The following CACNA1D variants were observed in gnomAD, a reference collection of about 807,000 sequenced individuals.
CACNA1D encodes voltage-dependent L-type calcium channel subunit alpha-1D.
In CACNA1D, 55 loss-of-function variants were observed where a neutral mutation model predicts 257.1. The observed-to-expected ratio is 0.21, with a 90% CI of 0.17 to 0.27. The LOEUF (loss-of-function observed/expected upper bound fraction) is 0.27, where lower values mean the gene tolerates loss of function less well. Among genes scored for constraint, CACNA1D ranks in the 10% least tolerant of loss-of-function variants. The pLI is 1.00. For missense variants in CACNA1D, 1,876 were observed against 2,784.0 expected (o/e 0.67, Z 7.34); for synonymous variants, 980 against 1,014.9 (o/e 0.97, Z 0.65).
intron 16 of CACNA1D, 66 bp downstream of exon 16, chr3:53,730,622 C>T: frequency 1.7e-6 from 2 of 1,199,794 alleles, no homozygotes; most frequent in Non-Finnish European, 2.5e-6. Context: ...ACAGTTGCAG[C>T]CTGCCAGGCT....
intron 3 of CACNA1D, among the ~76,000 whole-genome samples, chr3:53,554,002 C>G (rs1265854453): frequency 6.6e-6 from 1 of 151,886 alleles, no homozygotes; most frequent in African/African-American, 2.4e-5. Flanking sequence ...GGAGACCATC[C>G]TGGCTAACAC....
Position 53,501,204 on chromosome 3 carries a change from G to A in CACNA1D, c.378-411G>A, listed in dbSNP as rs140864194. Among the ~76,000 whole-genome samples, 1,011 of 152,272 alleles carry A rather than the reference G, an allele frequency of 6.6e-3. 5 individuals are homozygous for A. The highest frequency in any genetic ancestry group is 0.022 in the African/African-American group (929 of 41,550). ...CTAACACATGGAGGCAAGGATCTGC[G>A]GAAGACATTTATCCCATGATGATTT... On this transcript the variant is annotated intron_variant, in intron 2 of 47. Coordinates refer to ENST00000350061, the MANE Select transcript of CACNA1D (RefSeq NM_001128840.3).
intron 3 of CACNA1D, among the ~76,000 whole-genome samples, chr3:53,505,804 A>C (rs1474694481): frequency 6.6e-6 from 1 of 152,202 alleles, no homozygotes; most frequent in Non-Finnish European, 1.5e-5. Context: ...CAGGGCTCAG[A>C]GTAGCAAGAG....
intron 2 of CACNA1D, among the ~76,000 whole-genome samples, chr3:53,498,302 T>G (rs1467470957): frequency 6.6e-6 from 1 of 152,178 alleles, no homozygotes; most frequent in Non-Finnish European, 1.5e-5. Flanking sequence ...TTTTTAAAAT[T>G]GAACTCCAAA....
At chr3:53,768,553 G>A (rs947267789) in intron 30 of CACNA1D, among the ~76,000 whole-genome samples, 3 of 152,168 alleles carry the variant, frequency 2.0e-5, no homozygotes, top group Non-Finnish European at 4.4e-5. Context: ...CTTTTGAGAC[G>A]AACTAATAGA....
chr3:53,731,343 T>G (rs2094990116), intron 17 of CACNA1D, among the ~76,000 whole-genome samples, 197 bp downstream of exon 17: 1 of 151,926 alleles, frequency 6.6e-6, no homozygotes, highest in Non-Finnish European at 1.5e-5. Context: ...TTGTGTTTAC[T>G]GATATTTCAC....
At chr3:53,760,221 A>G (rs1489969861) in intron 29 of CACNA1D, among the ~76,000 whole-genome samples, 2 of 152,120 alleles carry the variant, frequency 1.3e-5, no homozygotes, top group African/African-American at 4.8e-5. Context: ...CTCCCCCATA[A>G]ATGCACCTAG....
intron 3 of CACNA1D, among the ~76,000 whole-genome samples, chr3:53,522,259 TG>T (rs2091609219): frequency 6.6e-6 from 1 of 152,244 alleles, no homozygotes; most frequent in South Asian, 2.1e-4. Context: ...ACTGGCATTC[TG>T]TCCACTCCTG....
At position 53,495,129 on chromosome 3, in the gene CACNA1D, T is replaced by G. The variant is rs766598597; in HGVS notation, c.-38T>G. ...GCCCCCGCCTCAACGCCCAGCACAG[T>G]GCCCTGCACACAGTAGTCGCTCAAT... On this transcript the variant is annotated 5_prime_UTR_variant, in exon 1 of 48. Transcript: ENST00000350061. This position sits in a 1 kb window ranked among gnomAD's most constrained non-coding sequence, Gnocchi z 5.1. 2.1e-6 allele frequency: 3 copies of G among 1,446,960 alleles called. No individual in the cohort carries two copies. The highest frequency in any genetic ancestry group is 1.9e-4 in the Middle Eastern group (1 of 5,298). 89.6% of individuals were successfully genotyped at this position (1,446,960 alleles called of 1,614,324 possible).
At chr3:53,776,783 GC>G in intron 36 of CACNA1D, 53 bp downstream of exon 36, 1 of 1,614,134 alleles carries the variant, frequency 6.2e-7, no homozygotes, top group South Asian at 1.1e-5. Context: ...TGGAATGTCA[GC>G]TTTTTTTGTG....
At chr3:53,539,396 C>T (rs1378085174) in intron 3 of CACNA1D, among the ~76,000 whole-genome samples, 2 of 152,232 alleles carry the variant, frequency 1.3e-5, no homozygotes, top group Non-Finnish European at 2.9e-5. Flanking sequence ...GCATGAGCCA[C>T]CGTGCCAAGC....
chr3:53,782,467 G>A (rs1225443628), intron 39 of CACNA1D: 4 of 151,786 alleles, frequency 2.6e-5, no homozygotes, highest in East Asian at 1.9e-4. Context: ...GGTGTGTTTC[G>A]TGACCAGCGA....
chr3:53,503,567 A>G (rs935615132), intron 3 of CACNA1D, among the ~76,000 whole-genome samples: 2 of 152,228 alleles, frequency 1.3e-5, no homozygotes, highest in African/African-American at 4.8e-5. Flanking sequence ...GGAATAATTA[A>G]TGTAGCTGCA....
At chr3:53,551,936 G>A (rs939263198) in intron 3 of CACNA1D, among the ~76,000 whole-genome samples, 3 of 152,180 alleles carry the variant, frequency 2.0e-5, no homozygotes, top group Non-Finnish European at 4.4e-5. Context: ...ATCTGTGACC[G>A]TTTGTCTTCC....
At chr3:53,615,882 CT>C (rs2093631309) in intron 3 of CACNA1D, among the ~76,000 whole-genome samples, 1 of 152,200 alleles carries the variant, frequency 6.6e-6, no homozygotes, top group African/African-American at 2.4e-5. Context: ...CTTGGCAGTT[CT>C]TTTTTGACAC....
intron 3 of CACNA1D, among the ~76,000 whole-genome samples, chr3:53,633,108 T>A (rs1362814479): frequency 6.6e-6 from 1 of 152,248 alleles, no homozygotes; most frequent in Non-Finnish European, 1.5e-5. Context: ...GAGATATTCC[T>A]GTATAATAAT....
chr3:53,678,188 A>G (rs1270821290), intron 8 of CACNA1D, among the ~76,000 whole-genome samples: 1 of 152,246 alleles, frequency 6.6e-6, no homozygotes, highest in East Asian at 1.9e-4. Flanking sequence ...ATTACTACAT[A>G]AACCCCCTCC....
At chr3:53,505,123 T>G (rs972328473) in intron 3 of CACNA1D, among the ~76,000 whole-genome samples, 6 of 146,668 alleles carry the variant, frequency 4.1e-5, no homozygotes, top group African/African-American at 1.5e-4. Context: ...TTGTTTTTTT[T>G]TTTTTTTTTT....
At chr3:53,598,830 T>G (rs2093405464) in intron 3 of CACNA1D, among the ~76,000 whole-genome samples, 1 of 152,190 alleles carries the variant, frequency 6.6e-6, no homozygotes, top group Non-Finnish European at 1.5e-5. Flanking sequence ...GCCTGGGTGT[T>G]GAGAGACTGG....
Sources: allele counts gnomAD v4.1 joint callset (sites outside exome capture counted in the v4.1 genomes callset), GRCh38; gene constraint gnomAD v4.1.1; non-coding constraint Gnocchi (gnomAD v3.1); transcripts MANE v1.5; gene names NCBI Gene and HGNC (gene_info 2026-07-23, HGNC 2026-07-21).